VAPB: variants seen among roughly 807,000 people sequenced by gnomAD.
The protein encoded by VAPB is vesicle-associated membrane protein-associated protein B/C.
Under a neutral mutation model 25.6 loss-of-function variants are expected in VAPB, and 7 were observed. The ratio of observed to expected loss-of-function variants is 0.27; its 90% CI spans 0.16 to 0.51. VAPB has a LOEUF of 0.51. VAPB is among the 20% of genes least tolerant of loss of function. The pLI is 0.97. For missense variants in VAPB, 266 were observed against 301.3 expected, an observed-to-expected ratio of 0.88 and a Z score of 0.87; for synonymous variants, 112 against 109.2, an observed-to-expected ratio of 1.03 and a Z score of -0.16.
chr20:58,424,066 G>A (rs181506708), intron 2 of VAPB, among the ~76,000 whole-genome samples: 157 of 152,252 alleles, frequency 1.0e-3, no homozygotes, highest in African/African-American at 3.6e-3. Flanking sequence ...AAGATCAAGA[G>A]GACTTACACA....
intron 2 of VAPB, chr20:58,431,004 T>C (rs577585652): frequency 4.6e-5 from 7 of 152,232 alleles, no homozygotes; most frequent in African/African-American, 1.4e-4. Flanking sequence ...ACCACAGATA[T>C]GTAGTTGGAA....
chr20:58,407,352 AAGCATGACTATCAAGGCTGGTTTATC>A (rs1417898532), intron 1 of VAPB, among the ~76,000 whole-genome samples: 1 of 152,184 alleles, frequency 6.6e-6, no homozygotes, highest in Non-Finnish European at 1.5e-5. Context: ...TAAATTATAC[AAGCATGACTATCAAGGCTGGTTTATC>A]AGTTTTCAAC....
At chr20:58,436,604 G>A (rs1181350484) in intron 3 of VAPB, among the ~76,000 whole-genome samples, 1 of 152,132 alleles carries the variant, frequency 6.6e-6, no homozygotes, top group Non-Finnish European at 1.5e-5. Flanking sequence ...TAGGATTACA[G>A]GCATGAGCCA....
At position 58,436,515 on chromosome 20, in the gene VAPB, C is replaced by G. The variant is rs772108921; in HGVS notation, c.315+1810C>G. Among the ~76,000 whole-genome samples the G allele has an allele frequency of 1.4e-4, 21 of 151,716 alleles. No homozygotes were observed. The East Asian group carries it at 1.8e-3, about 13-fold the overall frequency. On this transcript the variant is annotated intron_variant, in intron 3 of 5. Transcript: ENST00000475243. Reference sequence around the variant, plus strand: ...TGCCTGGCTAATTTTTTTGTAGAGACAGGTTTTCTCCATGTTGCCCAAGCT... The same window carrying G: ...TGCCTGGCTAATTTTTTTGTAGAGAGAGGTTTTCTCCATGTTGCCCAAGCT...
At chr20:58,443,586 T>C (rs553862009) in intron 5 of VAPB, among the ~76,000 whole-genome samples, 11 of 151,770 alleles carry the variant, frequency 7.2e-5, no homozygotes, top group Non-Finnish European at 1.5e-4. Flanking sequence ...CCGTGCCCAG[T>C]TGACTTTGTA....
At chr20:58,393,090 G>GT (rs1987849008) in intron 1 of VAPB, among the ~76,000 whole-genome samples, 1 of 152,188 alleles carries the variant, frequency 6.6e-6, no homozygotes, top group African/African-American at 2.4e-5. Context: ...CTGGAGGGCA[G>GT]TGGTGCCATC....
chr20:58,402,887 C>G (rs1402253784), intron 1 of VAPB, among the ~76,000 whole-genome samples: 1 of 152,140 alleles, frequency 6.6e-6, no homozygotes, highest in East Asian at 1.9e-4. Flanking sequence ...TGCCCATAAT[C>G]CCAGCTACTC....
At chr20:58,403,059 G>T (rs1022280739) in intron 1 of VAPB, among the ~76,000 whole-genome samples, 1 of 152,188 alleles carries the variant, frequency 6.6e-6, no homozygotes, top group Admixed American at 6.5e-5. Flanking sequence ...AAGACTTTCA[G>T]TGGTGAAGAG....
chr20:58,415,146 T>C (rs1227188800), intron 1 of VAPB, among the ~76,000 whole-genome samples: 1 of 152,268 alleles, frequency 6.6e-6, no homozygotes, highest in Non-Finnish European at 1.5e-5. Context: ...TAGCCCCTCT[T>C]ACTGTCTTAC....
At chr20:58,433,390 TAGA>T (rs1394578443) in intron 2 of VAPB, among the ~76,000 whole-genome samples, 1 of 152,200 alleles carries the variant, frequency 6.6e-6, no homozygotes, top group African/African-American at 2.4e-5. Context: ...TGTGTGGCTC[TAGA>T]GGAAGCACCT....
At chr20:58,422,576 T>A (rs141345260) in intron 2 of VAPB, among the ~76,000 whole-genome samples, 14 of 152,056 alleles carry the variant, frequency 9.2e-5, no homozygotes, top group Admixed American at 5.9e-4. Flanking sequence ...TCTGAAAATG[T>A]CTTTGTGGTA....
Position 58,448,630 on chromosome 20 carries a change from C to A in VAPB, c.*4395C>A, listed in dbSNP as rs541218686. On this transcript the variant is annotated 3_prime_UTR_variant, in exon 6 of 6. Transcript: ENST00000475243. ...CTTCAGGGAAGTGAGTGGATGAGGC[C>A]TTCCTGCCTCAGCTACTCTGCCCGT... 4.4e-6 allele frequency: 2 copies of A among 453,968 alleles called. No individual in the cohort carries two copies. Among genetic ancestry groups the A allele is most frequent in the Non-Finnish European group, 8.8e-6 (2 of 226,792 alleles). 28.1% of individuals were successfully genotyped at this position (453,968 alleles called of 1,614,324 possible).
At position 58,444,724 on chromosome 20, in the gene VAPB, C is replaced by T; in HGVS notation, c.*489C>T. The T allele has an allele frequency of 2.2e-6, 1 of 454,574 alleles. No individual in the cohort carries two copies. 28.2% of individuals were successfully genotyped at this position (454,574 alleles called of 1,614,324 possible). A position where few individuals can be genotyped will look rare whatever the true frequency, so the allele number is the denominator to read the frequency against. ...TCCGTGTCTTCAGTTCTGTCCAAGC[C>T]ATCAGCTCCTTGGGACTGATGAACA... is the stretch of plus-strand genomic sequence containing the variant. On this transcript the variant is annotated 3_prime_UTR_variant, in exon 6 of 6. Coordinates refer to ENST00000475243, the MANE Select transcript of VAPB (RefSeq NM_004738.5).
At chr20:58,409,199 G>C (rs960013574) in intron 1 of VAPB, among the ~76,000 whole-genome samples, 1 of 149,936 alleles carries the variant, frequency 6.7e-6, no homozygotes, top group African/African-American at 2.5e-5. Flanking sequence ...GGACAAAAAA[G>C]TCTGTGTTGA....
chr20:58,392,258 A>G (rs148944951), intron 1 of VAPB, among the ~76,000 whole-genome samples: 15 of 152,352 alleles, frequency 9.8e-5, no homozygotes, highest in Non-Finnish European at 2.1e-4. Context: ...GCATAGTACT[A>G]TACAGAGATT....
intron 3 of VAPB, among the ~76,000 whole-genome samples, chr20:58,435,180 T>A (rs1989014419): frequency 6.6e-6 from 1 of 152,218 alleles, no homozygotes; most frequent in Non-Finnish European, 1.5e-5. Context: ...TATGCTTATT[T>A]ATTTTCCCCC....
At chr20:58,414,249 C>A (rs549347385) in intron 1 of VAPB, among the ~76,000 whole-genome samples, 1 of 141,300 alleles carries the variant, frequency 7.1e-6, no homozygotes, top group Non-Finnish European at 1.6e-5. Context: ...CCCTCCTGGA[C>A]GGGGCGGCTG....
rs994589745 is a variant in VAPB, at chr20:58,389,301, G to A, written c.-159G>A. The stretch of plus-strand genomic sequence containing the variant: ...CCCCTGCGCCTGCACCGCGTAGACC[G>A]ACCCCCCCCCAGCGCGCCCACCCGG... On this transcript the variant is annotated 5_prime_UTR_variant, in exon 1 of 6. Transcript: ENST00000475243. The A allele has an allele frequency of 4.0e-5, 27 of 672,694 alleles. 1 individual carries two copies. The highest frequency in any genetic ancestry group is 5.4e-5 in the Non-Finnish European group (21 of 390,166). The allele number at this position is 672,694 out of a possible 1,614,324, so 41.7% of individuals were successfully genotyped here.
Position 58,446,420 on chromosome 20 carries a change from C to T in VAPB, c.*2185C>T, listed in dbSNP as rs1309953846. ...CTAGGGGTACAGTACAGTCCCATTA[C>T]ACTAGAGCAGGGCTCTATTTATTTT... On this transcript the variant is annotated 3_prime_UTR_variant, in exon 6 of 6. Coordinates refer to ENST00000475243, the MANE Select transcript of VAPB (RefSeq NM_004738.5). The T allele has an allele frequency of 4.4e-6, 2 of 454,142 alleles. No homozygotes were observed. The highest frequency in any genetic ancestry group is 3.1e-5 in the South Asian group (2 of 64,480). 28.1% of individuals were successfully genotyped at this position (454,142 alleles called of 1,614,324 possible). A position where few individuals can be genotyped will look rare whatever the true frequency, so the allele number is the denominator to read the frequency against.
Sources: gnomAD v4.1 joint callset for allele counts (sites outside exome capture counted in the v4.1 genomes callset) on GRCh38, gnomAD v4.1.1 for gene constraint, MANE v1.5 for transcripts, NCBI Gene and HGNC (gene_info 2026-07-23, HGNC 2026-07-21) for gene names.